NDST3: variants seen among roughly 807,000 people sequenced by gnomAD.
The protein encoded by NDST3 is N-deacetylase and N-sulfotransferase 3.
Under a neutral mutation model 96.1 loss-of-function variants are expected in NDST3, and 58 were observed. The observed-to-expected ratio is 0.60, with a 90% CI of 0.49 to 0.75. NDST3 has a LOEUF of 0.75. NDST3 is among the 30% of genes least tolerant of loss of function. The probability of loss-of-function intolerance (pLI) is 0.00; values close to 1 mark genes in which losing one functional copy is unlikely to be tolerated. For synonymous variants in NDST3, 333 were observed against 359.7 expected, an observed-to-expected ratio of 0.93 and a Z score of 0.84; for missense variants, 788 against 1,034.2, an observed-to-expected ratio of 0.76 and a Z score of 3.27.
intron 6 of NDST3, among the ~76,000 whole-genome samples, chr4:118,181,845 T>C (rs1736628298): frequency 6.6e-6 from 1 of 152,192 alleles, no homozygotes; most frequent in Non-Finnish European, 1.5e-5. Context: ...TGTCCATTTA[T>C]CTATAAGGCA....
At chr4:118,045,069 T>C (rs1724686447) in intron 1 of NDST3, among the ~76,000 whole-genome samples, 1 of 152,186 alleles carries the variant, frequency 6.6e-6, no homozygotes. Flanking sequence ...TCTCAAGTCT[T>C]AGCATAATCT....
intron 6 of NDST3, among the ~76,000 whole-genome samples, chr4:118,172,566 T>C (rs947581851): frequency 2.0e-5 from 3 of 152,172 alleles, no homozygotes; most frequent in African/African-American, 7.2e-5. Context: ...GGCAAAGTTT[T>C]AAAACAAAAT....
intron 2 of NDST3, among the ~76,000 whole-genome samples, chr4:118,078,898 A>C (rs1238553764): frequency 6.6e-6 from 1 of 152,138 alleles, no homozygotes; most frequent in African/African-American, 2.4e-5. Context: ...TGAGAATGAC[A>C]CTCTATGTCA....
chr4:118,057,940 A>C (rs1191509097), intron 2 of NDST3, among the ~76,000 whole-genome samples: 1 of 152,090 alleles, frequency 6.6e-6, no homozygotes, highest in African/African-American at 2.4e-5. Flanking sequence ...TAAAACGTAG[A>C]GTCCAAGAGT....
At chr4:118,133,198 T>G (rs1418674364) in intron 4 of NDST3, among the ~76,000 whole-genome samples, 1 of 152,328 alleles carries the variant, frequency 6.6e-6, no homozygotes, top group Middle Eastern at 3.4e-3. Flanking sequence ...CCTTAGAGCA[T>G]GTTGGCCCAT....
intron 6 of NDST3, among the ~76,000 whole-genome samples, chr4:118,150,332 AC>A (rs1734301837): frequency 6.6e-6 from 1 of 152,198 alleles, no homozygotes; most frequent in Non-Finnish European, 1.5e-5. Context: ...ACGGGCAAGG[AC>A]TTCATGTCTA....
chr4:118,183,928 C>T (rs971257940), intron 6 of NDST3, among the ~76,000 whole-genome samples: 1 of 152,186 alleles, frequency 6.6e-6, no homozygotes, highest in African/African-American at 2.4e-5. Context: ...TTGGCTGTAG[C>T]CTGCACAGAT....
intron 6 of NDST3, among the ~76,000 whole-genome samples, chr4:118,195,308 C>G (rs1737602889): frequency 6.6e-6 from 1 of 152,106 alleles, no homozygotes; most frequent in South Asian, 2.1e-4. Context: ...AAGGGTGGGG[C>G]CAGGTGGAGA....
chr4:118,173,678 T>A (rs1455961052), intron 6 of NDST3, among the ~76,000 whole-genome samples: 1 of 152,134 alleles, frequency 6.6e-6, no homozygotes, highest in Non-Finnish European at 1.5e-5. Flanking sequence ...TCATATTCAG[T>A]ACTTTATTTT....
chr4:118,158,039 T>G (rs1734831716), intron 6 of NDST3, among the ~76,000 whole-genome samples: 1 of 152,160 alleles, frequency 6.6e-6, no homozygotes, highest in African/African-American at 2.4e-5. Context: ...ATATTGATGC[T>G]GTTGGGAACT....
chr4:118,097,480 C>G (rs1578632241), intron 2 of NDST3, among the ~76,000 whole-genome samples: 1 of 151,814 alleles, frequency 6.6e-6, no homozygotes, highest in African/African-American at 2.4e-5. Context: ...AGGAATAGAA[C>G]AGTGATTCTT....
chr4:118,185,385 G>T (rs149544820), intron 6 of NDST3, among the ~76,000 whole-genome samples: 8 of 151,412 alleles, frequency 5.3e-5, no homozygotes, highest in Admixed American at 5.3e-4. Flanking sequence ...TAAAATTTGT[G>T]ATGATAAATG....
At chr4:118,239,500 C>A (rs1740881560) in intron 10 of NDST3, among the ~76,000 whole-genome samples, 1 of 152,038 alleles carries the variant, frequency 6.6e-6, no homozygotes, top group Non-Finnish European at 1.5e-5. Flanking sequence ...TTGCAAATTG[C>A]CTGATTTGAT....
Position 118,053,841 on chromosome 4 carries a change from T to C in NDST3, c.-70T>C. On this transcript the variant is annotated 5_prime_UTR_variant, in exon 2 of 14. Coordinates refer to ENST00000296499, the MANE Select transcript of NDST3 (RefSeq NM_004784.3). ...TCTTGACAGAGATTGGAAAAGTAGC[T>C]GGAACACCATCTTTTCTTTTAACTT... 6.7e-7 allele frequency: 1 copy of C among 1,497,338 alleles called. No individual in the cohort carries two copies. The allele number at this position is 1,497,338 out of a possible 1,614,324, so 92.8% of individuals were successfully genotyped here.
chr4:118,248,116 C>T (rs62328865), intron 12 of NDST3, among the ~76,000 whole-genome samples: 11,135 of 152,144 alleles, frequency 0.073, 487 homozygotes, highest in East Asian at 0.2. Context: ...TTTAAGAGGC[C>T]GAGGCGGGTG....
intron 4 of NDST3, among the ~76,000 whole-genome samples, chr4:118,137,533 G>A (rs1454595471): frequency 6.6e-6 from 1 of 152,136 alleles, no homozygotes; most frequent in Non-Finnish European, 1.5e-5. Context: ...TCCTAAGGCA[G>A]GGAACGTTGT....
At chr4:118,183,578 G>A (rs1736738217) in intron 6 of NDST3, among the ~76,000 whole-genome samples, 1 of 152,068 alleles carries the variant, frequency 6.6e-6, no homozygotes, top group East Asian at 1.9e-4. Context: ...GGAAATTTCA[G>A]AGAACTAGTT....
At chr4:118,195,218 T>C (rs1444466570) in intron 6 of NDST3, among the ~76,000 whole-genome samples, 1 of 152,182 alleles carries the variant, frequency 6.6e-6, no homozygotes, top group Non-Finnish European at 1.5e-5. Context: ...AGATCATTTC[T>C]TTGGTTAAAT....
chr4:118,044,286 T>G (rs1724628502), intron 1 of NDST3, among the ~76,000 whole-genome samples: 1 of 152,244 alleles, frequency 6.6e-6, no homozygotes, highest in Admixed American at 6.5e-5. Context: ...AGAACGTACA[T>G]AACTGTAAAA....
Sources: gnomAD v4.1 joint callset for allele counts (sites outside exome capture counted in the v4.1 genomes callset) on GRCh38, gnomAD v4.1.1 for gene constraint, MANE v1.5 for transcripts, NCBI Gene and HGNC (gene_info 2026-07-23, HGNC 2026-07-21) for gene names.